The following ATM variants were observed in gnomAD, a reference collection of about 807,000 sequenced individuals.
The protein encoded by ATM is serine-protein kinase ATM.
A neutral mutation model predicts 387.0 loss-of-function variants in ATM; 308 were observed. The ratio of observed to expected loss-of-function variants is 0.80; its 90% CI spans 0.73 to 0.87. The LOEUF (loss-of-function observed/expected upper bound fraction) is 0.87. ATM is among the 40% of genes least tolerant of loss of function. ATM has a pLI of 0.00. For missense variants in ATM, 3,312 were observed against 3,560.9 expected, an observed-to-expected ratio of 0.93 and a Z score of 1.78; for synonymous variants, 1,156 against 1,187.3, an observed-to-expected ratio of 0.97 and a Z score of 0.54.
chr11:108,300,876 CTCTTTTTTTTTT>C (rs1193743714), intron 34 of ATM, among the ~76,000 whole-genome samples: 3 of 139,576 alleles, frequency 2.1e-5, no homozygotes, highest in Non-Finnish European at 4.6e-5. Context: ...ATTCATCTCT[CTCTTTTTTTTTT>C]TTTTTTTTTT....
rs876659429 is a variant in ATM, at chr11:108,327,687, G to A, written c.7018G>A (p.Val2340Ile). 6 of 1,614,020 alleles carry A rather than the reference G, an allele frequency of 3.7e-6. No individual in the cohort carries two copies. Among genetic ancestry groups the A allele is most frequent in the Non-Finnish European group, 4.2e-6 (5 of 1,179,944 alleles). ...LKLTYTECLR[V>I]CGNWLAETCL... is the part of the protein sequence containing the mutation. Reference sequence around the variant, plus strand: ...ACTTACATACACAGAATGTCTGAGGGTTTGTGGCAACTGGTTAGCAGAAAC... The same window carrying A: ...ACTTACATACACAGAATGTCTGAGGATTTGTGGCAACTGGTTAGCAGAAAC... Residue 2340 changes from valine to isoleucine, a missense_variant, in exon 48 of 63, where the codon GTT becomes ATT. By Grantham distance (29) the Val-to-Ile change is conservative. This residue lies in a region of ATM where 1,405 missense variants were observed against 1,604.4 expected (regional missense o/e 0.88). Transcript: ENST00000675843.
chr11:108,318,555 T>C (rs1355736623), intron 43 of ATM, among the ~76,000 whole-genome samples: 2 of 150,976 alleles, frequency 1.3e-5, no homozygotes, highest in Non-Finnish European at 2.9e-5. Context: ...CTGGGTGTGC[T>C]GGAGCATGCC....
At chr11:108,254,420 A>G (rs748581387) in intron 13 of ATM, among the ~76,000 whole-genome samples, 15 of 152,204 alleles carry the variant, frequency 9.9e-5, no homozygotes, top group Middle Eastern at 3.2e-3. Context: ...TGGCATCTGA[A>G]GAGAGATGAG....
At chr11:108,343,941 T>C (rs992153929) in intron 57 of ATM, among the ~76,000 whole-genome samples, 1 of 152,238 alleles carries the variant, frequency 6.6e-6, no homozygotes, top group Non-Finnish European at 1.5e-5. Context: ...GTTTTCTGTC[T>C]ACCAGGTACT....
At chr11:108,329,410 T>A in intron 49 of ATM, 172 bp downstream of exon 49, 1 of 666,330 alleles carries the variant, frequency 1.5e-6, no homozygotes, top group Non-Finnish European at 2.5e-6. Context: ...GTTTTTGTTT[T>A]TTGTTTTTTT....
intron 56 of ATM, among the ~76,000 whole-genome samples, chr11:108,341,998 A>C (rs2087640268): frequency 6.6e-6 from 1 of 152,292 alleles, no homozygotes; most frequent in Admixed American, 6.5e-5. Flanking sequence ...TGTCCAACCC[A>C]CAGCCTGCAG....
rs928126930 is a variant in ATM at position 108,368,218 on chromosome 11, T to A, written c.*2710T>A. ...AGAATTAAGATTATAAAAGATTTTT[T>A]TTTTGTAATTTTAGTAGAGACAGGG... is the stretch of plus-strand genomic sequence containing the variant. On this transcript the variant is annotated 3_prime_UTR_variant, in exon 63 of 63. Coordinates refer to ENST00000675843, the MANE Select transcript of ATM (RefSeq NM_000051.4). 7 of 206,918 alleles carry A rather than the reference T, an allele frequency of 3.4e-5. No individual in the cohort carries two copies. In the East Asian group the frequency reaches 5.1e-4, roughly 15 times the overall value. The allele number at this position is 206,918 out of a possible 1,614,324, so 12.8% of individuals were successfully genotyped here. A position where few individuals can be genotyped will look rare whatever the true frequency, so the allele number is the denominator to read the frequency against.
chr11:108,304,809 C>A lies in ATM; in HGVS notation c.5631C>A (p.Phe1877Leu), dbSNP rs751327903. The A allele has an allele frequency of 6.2e-7, 1 of 1,613,328 alleles. No individual in the cohort carries two copies. The highest frequency in any genetic ancestry group is 8.5e-7 in the Non-Finnish European group (1 of 1,179,952). The change falls in exon 37 of 63, where the codon TTC (phenylalanine) becomes TTA (leucine). Residue 1877 changes from phenylalanine to leucine, a missense_variant. By Grantham distance (22) the Phe-to-Leu change is conservative. Coordinates refer to ENST00000675843, the MANE Select transcript of ATM (RefSeq NM_000051.4). ...QGFFTSCLRHFSQTSRSTTPA... is the reference protein window; with the variant it reads ...QGFFTSCLRHLSQTSRSTTPA... ...TTTTCACCAGCTGTCTTCGACACTT[C>A]TCGCAAACGAGCCGATCCACAACCC...
chr11:108,366,663 G>T lies in ATM; in HGVS notation c.*1155G>T, dbSNP rs1371482972. 4.3e-6 allele frequency: 1 copy of T among 231,372 alleles called. No individual in the cohort carries two copies. The highest frequency in any genetic ancestry group is 8.6e-6 in the Non-Finnish European group (1 of 116,880). 14.3% of individuals were successfully genotyped at this position (231,372 alleles called of 1,614,324 possible). On this transcript the variant is annotated 3_prime_UTR_variant, in exon 63 of 63. Coordinates refer to ENST00000675843, the MANE Select transcript of ATM (RefSeq NM_000051.4). ...CTTATTTTAATTTCTTGGCTTTAGG[G>T]TTTCCATACCTGAAGTGTAGCATAA...
chr11:108,296,297 T>C (rs1045828316), intron 32 of ATM, among the ~76,000 whole-genome samples: 25 of 151,784 alleles, frequency 1.6e-4, no homozygotes, highest in African/African-American at 4.6e-4. Flanking sequence ...GTCGCCCAGG[T>C]TGGAGTGCAG....
chr11:108,272,285 T>C (rs1435164274), intron 20 of ATM, among the ~76,000 whole-genome samples: 1 of 152,224 alleles, frequency 6.6e-6, no homozygotes, highest in Non-Finnish European at 1.5e-5. Flanking sequence ...AGCCATTCTA[T>C]GGTAGCCCCC....
intron 58 of ATM, 127 bp from the exon 59 acceptor site, chr11:108,347,152 A>ACCAAGTC: frequency 2.6e-6 from 2 of 775,336 alleles, no homozygotes; most frequent in East Asian, 5.2e-5. Flanking sequence ...CACATCATTT[A>ACCAAGTC]AGTAGGCTAA....
At position 108,343,245 on chromosome 11, in the gene ATM, T is replaced by C. The variant is rs781690523; in HGVS notation, c.8292T>C (p.Ser2764=). Residue 2764 remains serine (S), a synonymous_variant, in exon 57 of 63, where the codon AGT becomes AGC. Transcript: ENST00000675843. ...TYKVVPLSQR[S]GVLEWCTGTV... ...AGGTGGTTCCCCTCTCTCAGCGAAG[T>C]GGTGTTCTTGAATGGTGCACAGGAA... The C allele has an allele frequency of 6.2e-7, 1 of 1,613,964 alleles. No individual in the cohort carries two copies. Among genetic ancestry groups the C allele is most frequent in the Admixed American group, 1.7e-5 (1 of 60,004 alleles).
intron 35 of ATM, among the ~76,000 whole-genome samples, chr11:108,302,358 A>G (rs1411616423): frequency 4.6e-5 from 7 of 152,254 alleles, no homozygotes; most frequent in Admixed American, 2.6e-4. Context: ...GTTTTCACCA[A>G]TTTAATTTCA....
intron 10 of ATM, 93 bp downstream of exon 10, chr11:108,251,165 C>T (rs752499537): frequency 6.4e-5 from 100 of 1,559,808 alleles, no homozygotes; most frequent in Middle Eastern, 2.1e-4. Context: ...TAGTTTGTTA[C>T]TTCAGTTAAA....
At chr11:108,311,539 T>C (rs2084160017) in intron 39 of ATM, among the ~76,000 whole-genome samples, 1 of 151,770 alleles carries the variant, frequency 6.6e-6, no homozygotes, top group Non-Finnish European at 1.5e-5. Context: ...CTACTAAAAA[T>C]AAAAATAAAT....
chr11:108,314,942 A>T (rs2084490711), intron 40 of ATM, among the ~76,000 whole-genome samples: 1 of 152,186 alleles, frequency 6.6e-6, no homozygotes, highest in Non-Finnish European at 1.5e-5. Context: ...CTGCTGGTTG[A>T]TATGTACTTT....
At chr11:108,341,596 C>G (rs1442684061) in intron 56 of ATM, among the ~76,000 whole-genome samples, 1 of 151,976 alleles carries the variant, frequency 6.6e-6, no homozygotes, top group Non-Finnish European at 1.5e-5. Flanking sequence ...ATGTGAGAAA[C>G]TTAAAATTTA....
rs786203221 is a variant in ATM, at chr11:108,272,781, T to A, written c.3213T>A (p.Asn1071Lys). The A allele has an allele frequency of 6.2e-7, 1 of 1,614,110 alleles. No homozygotes were observed. The highest frequency in any genetic ancestry group is 8.5e-7 in the Non-Finnish European group (1 of 1,179,992). ...TAATGGGAAAAGACTTTCCTGTAAA[T>A]GAAGTATTTACACAATTTCTTGCTG... ...LNVMGKDFPV[N>K]EVFTQFLADN... The change falls in exon 22 of 63, where the codon AAT becomes AAA. Residue 1071 changes from asparagine (N) to lysine (K), a missense_variant. Coordinates refer to ENST00000675843, the MANE Select transcript of ATM (RefSeq NM_000051.4).
Sources: allele counts gnomAD v4.1 joint callset (sites outside exome capture counted in the v4.1 genomes callset), GRCh38; gene constraint gnomAD v4.1.1; regional missense constraint gnomAD v4.1.1; transcripts MANE v1.5; gene names NCBI Gene and HGNC (gene_info 2026-07-23, HGNC 2026-07-21).